The following PTCHD4 variants were observed in gnomAD, a reference collection of about 807,000 sequenced individuals.
The protein encoded by PTCHD4 is patched domain-containing protein 4.
A neutral mutation model predicts 58.1 loss-of-function variants in PTCHD4; 33 were observed. The observed-to-expected ratio is 0.57, with a 90% CI of 0.43 to 0.76. PTCHD4 has a LOEUF of 0.76. Among genes scored for constraint, PTCHD4 ranks in the 30% least tolerant of loss-of-function variants. PTCHD4 has a pLI of 0.00. For missense variants in PTCHD4, 1,058 were observed against 1,027.1 expected, an observed-to-expected ratio of 1.03 and a Z score of -0.41; for synonymous variants, 478 against 409.6, an observed-to-expected ratio of 1.17 and a Z score of -2.02.
At chr6:47,949,662 T>C (rs948395597) in intron 4 of PTCHD4, among the ~76,000 whole-genome samples, 2 of 152,124 alleles carry the variant, frequency 1.3e-5, no homozygotes, top group Admixed American at 6.5e-5. Context: ...CTCTCTTTTT[T>C]TCCCCCCAGA....
chr6:47,983,490 G>GT (rs1767958183), intron 4 of PTCHD4, among the ~76,000 whole-genome samples: 2 of 152,180 alleles, frequency 1.3e-5, no homozygotes, highest in African/African-American at 4.8e-5. Context: ...AAAAAAGATT[G>GT]TTTTTTCTAT....
intron 3 of PTCHD4, among the ~76,000 whole-genome samples, chr6:48,055,388 G>C (rs1391648299): frequency 6.6e-6 from 1 of 152,178 alleles, no homozygotes; most frequent in East Asian, 1.9e-4. Context: ...CTCTTATCAA[G>C]TTAGTTATCA....
intron 1 of PTCHD4, among the ~76,000 whole-genome samples, chr6:48,082,396 T>G (rs966356927): frequency 1.3e-5 from 2 of 152,238 alleles, no homozygotes; most frequent in Admixed American, 6.5e-5. Context: ...CTCAGTCATT[T>G]CTGATCTGTG....
intron 3 of PTCHD4, among the ~76,000 whole-genome samples, chr6:48,039,298 A>G (rs1358728269): frequency 6.6e-6 from 1 of 152,180 alleles, no homozygotes; most frequent in African/African-American, 2.4e-5. Flanking sequence ...AGGAACATAT[A>G]CTATAGAATT....
chr6:47,972,019 G>C (rs1767531810), intron 4 of PTCHD4, among the ~76,000 whole-genome samples: 1 of 152,108 alleles, frequency 6.6e-6, no homozygotes, highest in Non-Finnish European at 1.5e-5. Context: ...GGAAAGAAAT[G>C]TAATAATAGC....
At chr6:47,964,546 G>A (rs1767214525) in intron 4 of PTCHD4, among the ~76,000 whole-genome samples, 2 of 152,068 alleles carry the variant, frequency 1.3e-5, no homozygotes, top group African/African-American at 4.8e-5. Flanking sequence ...ATAGACTGAC[G>A]ATAATATATT....
chr6:47,895,809 C>A (rs549107001), intron 4 of PTCHD4, among the ~76,000 whole-genome samples: 1 of 151,936 alleles, frequency 6.6e-6, no homozygotes, highest in East Asian at 1.9e-4. Context: ...ACCCATACTT[C>A]GAATACTGGA....
chr6:48,104,237 A>G (rs1018556071), intron 1 of PTCHD4, among the ~76,000 whole-genome samples: 1 of 152,256 alleles, frequency 6.6e-6, no homozygotes, highest in Non-Finnish European at 1.5e-5. Context: ...AGCCCATCAG[A>G]CTAACAGCTG....
intron 4 of PTCHD4, among the ~76,000 whole-genome samples, chr6:47,969,977 CTT>C (rs1767441173): frequency 6.6e-6 from 1 of 152,116 alleles, no homozygotes; most frequent in Non-Finnish European, 1.5e-5. Flanking sequence ...ACCCATAACT[CTT>C]TTCAAAACCT....
intron 1 of PTCHD4, among the ~76,000 whole-genome samples, chr6:48,109,892 C>T (rs1480254600): frequency 1.3e-5 from 2 of 151,976 alleles, no homozygotes; most frequent in East Asian, 1.9e-4. Context: ...TTTCCTCACA[C>T]CTATTGGGAT....
At chr6:48,020,591 A>G (rs1204159968) in intron 3 of PTCHD4, among the ~76,000 whole-genome samples, 2 of 152,150 alleles carry the variant, frequency 1.3e-5, no homozygotes, top group Admixed American at 6.5e-5. Context: ...GCTATCCTGC[A>G]TGTCGAAACC....
chr6:47,955,733 A>G (rs1439371608), intron 4 of PTCHD4, among the ~76,000 whole-genome samples: 5 of 152,242 alleles, frequency 3.3e-5, no homozygotes, highest in Non-Finnish European at 2.9e-5. Context: ...TTGTGGTTAC[A>G]TACATGTATA....
At chr6:48,087,574 A>G (rs918664538) in intron 1 of PTCHD4, among the ~76,000 whole-genome samples, 1 of 152,224 alleles carries the variant, frequency 6.6e-6, no homozygotes, top group Admixed American at 6.5e-5. Context: ...CTAGGTGGGC[A>G]GTAATCATTG....
At chr6:47,979,690 C>T (rs1377424005) in intron 4 of PTCHD4, among the ~76,000 whole-genome samples, 1 of 151,886 alleles carries the variant, frequency 6.6e-6, no homozygotes, top group East Asian at 1.9e-4. Flanking sequence ...ACCTAATATC[C>T]AATTTGATAT....
intron 3 of PTCHD4, among the ~76,000 whole-genome samples, chr6:48,057,191 T>G (rs9473221): frequency 3.4e-5 from 5 of 148,840 alleles, no homozygotes; most frequent in African/African-American, 1.2e-4. Flanking sequence ...TTTTTTTTTG[T>G]TTTTTTTGTT....
chr6:47,889,923 T>C (rs1764323201), intron 4 of PTCHD4, among the ~76,000 whole-genome samples: 1 of 152,134 alleles, frequency 6.6e-6, no homozygotes, highest in East Asian at 1.9e-4. Context: ...AGGCAGCCTA[T>C]AAAATGGGAG....
intron 3 of PTCHD4, among the ~76,000 whole-genome samples, chr6:48,031,624 G>C (rs1377759099): frequency 2.0e-5 from 3 of 152,068 alleles, no homozygotes; most frequent in Non-Finnish European, 4.4e-5. Flanking sequence ...CATGGGAATA[G>C]GGAAAACACA....
In PTCHD4 at chr6:47,879,138, C is replaced by T. The variant is rs747090200; in HGVS notation, c.1697G>A (p.Ser566Asn). ...GCTTTGCAGGACACTGATGAAGTCA[C>T]TTTTGTTATTGGCACTGACGTTGCT... ...KVSNVSANNK[S>N]DFISVLQSSF... Residue 566 changes from serine (S) to asparagine (N), a missense_variant, in exon 5 of 5, where the codon AGT becomes AAT. Coordinates refer to ENST00000339488, the MANE Select transcript of PTCHD4 (RefSeq NM_001384253.1). 2.6e-5 allele frequency: 42 copies of T among 1,612,126 alleles called. No homozygotes were observed. Among genetic ancestry groups the T allele is most frequent in the Non-Finnish European group, 3.6e-5 (42 of 1,179,690 alleles).
At chr6:48,039,421 A>G (rs1179731339) in intron 3 of PTCHD4, among the ~76,000 whole-genome samples, 2 of 152,134 alleles carry the variant, frequency 1.3e-5, no homozygotes, top group Non-Finnish European at 2.9e-5. Context: ...CACTAAAGTC[A>G]TACTTCCTTG....
Sources: gnomAD v4.1 joint callset for allele counts (sites outside exome capture counted in the v4.1 genomes callset) on GRCh38, gnomAD v4.1.1 for gene constraint, MANE v1.5 for transcripts, NCBI Gene and HGNC (gene_info 2026-07-23, HGNC 2026-07-21) for gene names.